Variants in LRMDA observed in about 807,000 individuals in gnomAD.
The protein encoded by LRMDA is leucine-rich melanocyte differentiation-associated protein.
Under a neutral mutation model 29.8 loss-of-function variants are expected in LRMDA, and 18 were observed. The observed-to-expected ratio is 0.60, with a 90% CI of 0.42 to 0.90. The LOEUF is 0.90. Among genes scored for constraint, LRMDA ranks in the 40% least tolerant of loss-of-function variants. LRMDA has a pLI of 0.00. For synonymous variants in LRMDA, 125 were observed against 109.4 expected, an observed-to-expected ratio of 1.14 and a Z score of -0.89; for missense variants, 273 against 273.9, an observed-to-expected ratio of 1.00 and a Z score of 0.02.
At chr10:75,839,765 G>A (rs1844504292) in intron 2 of LRMDA, among the ~76,000 whole-genome samples, 1 of 136,944 alleles carries the variant, frequency 7.3e-6, no homozygotes, top group African/African-American at 2.9e-5. Flanking sequence ...CTGGAGTGCA[G>A]TGGCACGATC....
At chr10:76,332,059 T>C (rs1840910632) in intron 6 of LRMDA, among the ~76,000 whole-genome samples, 1 of 152,230 alleles carries the variant, frequency 6.6e-6, no homozygotes, top group African/African-American at 2.4e-5. Flanking sequence ...GTCTGGGTCA[T>C]CAAATTCATC....
intron 2 of LRMDA, among the ~76,000 whole-genome samples, chr10:75,632,362 A>G (rs1040296344): frequency 4.6e-5 from 7 of 152,202 alleles, no homozygotes; most frequent in African/African-American, 1.7e-4. Flanking sequence ...GCAGACGAGG[A>G]TGTCTCATCA....
chr10:75,816,417 A>G (rs939221617), intron 2 of LRMDA, among the ~76,000 whole-genome samples: 2 of 152,232 alleles, frequency 1.3e-5, no homozygotes, highest in African/African-American at 4.8e-5. Context: ...ATCCTGTGGG[A>G]GTTCCCACCT....
intron 2 of LRMDA, among the ~76,000 whole-genome samples, chr10:75,733,918 C>A (rs116023179): frequency 1.3e-5 from 2 of 152,126 alleles, no homozygotes; most frequent in African/African-American, 4.8e-5. Flanking sequence ...GGACTTTTAT[C>A]GGTAGTAGCC....
At position 76,405,368 on chromosome 10, in the gene LRMDA, C is replaced by T. The variant is rs143691266; in HGVS notation, c.601+80883C>T. On this transcript the variant is annotated intron_variant, in intron 6 of 6. Transcript: ENST00000611255. Reference sequence around the variant, plus strand: ...AGCTTTCGTCACTAGGTGCAATAAACGCTGCATTAGATTTTGATGGGAGGT... The same window carrying T: ...AGCTTTCGTCACTAGGTGCAATAAATGCTGCATTAGATTTTGATGGGAGGT... 3.8e-3 allele frequency among the ~76,000 whole-genome samples: 580 copies of T among 152,278 alleles called. 2 individuals are homozygous for T. The highest frequency in any genetic ancestry group is 0.011 in the African/African-American group (458 of 41,556).
chr10:76,455,992 T>C (rs1239367376), intron 6 of LRMDA, among the ~76,000 whole-genome samples: 1 of 152,134 alleles, frequency 6.6e-6, no homozygotes, highest in Non-Finnish European at 1.5e-5. Context: ...TATTCTATGC[T>C]GGCCAACCCT....
chr10:76,106,579 T>C (rs1179472550), intron 5 of LRMDA, among the ~76,000 whole-genome samples: 3 of 152,216 alleles, frequency 2.0e-5, no homozygotes, highest in Non-Finnish European at 4.4e-5. Flanking sequence ...ATCTATGTGA[T>C]CACCCTTTGT....
At chr10:75,929,405 C>A (rs72811491) in intron 2 of LRMDA, among the ~76,000 whole-genome samples, 1,803 of 152,160 alleles carry the variant, frequency 0.012, 21 homozygotes, top group Admixed American at 0.018. Flanking sequence ...CACAGCCATA[C>A]CATCGTTGGC....
At chr10:75,811,970 C>T (rs996034401) in intron 2 of LRMDA, among the ~76,000 whole-genome samples, 6 of 152,086 alleles carry the variant, frequency 3.9e-5, no homozygotes, top group African/African-American at 7.2e-5. Context: ...GCTTTGTGCC[C>T]GCTGTGATGC....
intron 2 of LRMDA, among the ~76,000 whole-genome samples, chr10:75,879,273 C>G (rs1845253328): frequency 6.6e-6 from 1 of 152,208 alleles, no homozygotes; most frequent in Non-Finnish European, 1.5e-5. Flanking sequence ...AGGATCGGAC[C>G]TCCCGAACAC....
At chr10:75,616,249 T>TAGCAGCAGCAGCAGCAGCAGCAGC (rs58265820) in intron 2 of LRMDA, among the ~76,000 whole-genome samples, 49 of 150,414 alleles carry the variant, frequency 3.3e-4, no homozygotes, top group Middle Eastern at 3.4e-3. Flanking sequence ...GTAGCAGCAG[T>TAGCAGCAGCAGCAGCAGCAGCAGC]AGCAGCAGCA....
At chr10:75,773,379 G>A (rs1313455742) in intron 2 of LRMDA, among the ~76,000 whole-genome samples, 1 of 152,156 alleles carries the variant, frequency 6.6e-6, no homozygotes, top group South Asian at 2.1e-4. Context: ...CTTAAAGAAA[G>A]CACAGCCCTT....
intron 6 of LRMDA, among the ~76,000 whole-genome samples, chr10:76,412,958 A>T (rs1369473174): frequency 6.6e-6 from 1 of 151,486 alleles, no homozygotes; most frequent in African/African-American, 2.4e-5. Flanking sequence ...TCCTCTCTGG[A>T]TTACAGCTGT....
chr10:75,924,260 C>T (rs1226617073), intron 2 of LRMDA, among the ~76,000 whole-genome samples: 1 of 152,140 alleles, frequency 6.6e-6, no homozygotes, highest in African/African-American at 2.4e-5. Context: ...TCATATTAAG[C>T]ACAACAACTA....
At chr10:76,546,549 G>T (rs1843423305) in intron 6 of LRMDA, among the ~76,000 whole-genome samples, 4 of 152,190 alleles carry the variant, frequency 2.6e-5, no homozygotes, top group Admixed American at 6.5e-5. Flanking sequence ...AAGCTAAGAA[G>T]ATGTGTGAGG....
chr10:76,238,921 G>C (rs566614674), intron 5 of LRMDA, among the ~76,000 whole-genome samples: 1 of 152,112 alleles, frequency 6.6e-6, no homozygotes, highest in East Asian at 1.9e-4. Context: ...GAAACACAGA[G>C]ATATATGTTC....
intron 2 of LRMDA, among the ~76,000 whole-genome samples, chr10:75,924,568 G>A (rs1846086082): frequency 1.3e-5 from 2 of 152,182 alleles, no homozygotes. Flanking sequence ...AGGAAGGACT[G>A]GCTGCCCAGA....
In LRMDA at chr10:76,259,044, G is replaced by A. The variant is rs140221309; in HGVS notation, c.517-65357G>A. ...GTAGTTTTTAAGGAACCTCGATACT[G>A]TTCTCCATAGTGGCTGTACAAATTT... On this transcript the variant is annotated intron_variant, in intron 5 of 6. Coordinates refer to ENST00000611255, the MANE Select transcript of LRMDA (RefSeq NM_001305581.2). Among the ~76,000 whole-genome samples the A allele has an allele frequency of 2.2e-3, 334 of 152,156 alleles. 1 individual carries two copies. The highest frequency in any genetic ancestry group is 7.7e-3 in the African/African-American group (320 of 41,528).
At chr10:75,651,011 A>T (rs763514972) in intron 2 of LRMDA, among the ~76,000 whole-genome samples, 1 of 152,096 alleles carries the variant, frequency 6.6e-6, no homozygotes, top group Non-Finnish European at 1.5e-5. Context: ...GAAAAAAAAC[A>T]CTTGGCCCAA....
Sources: allele counts gnomAD v4.1 joint callset (sites outside exome capture counted in the v4.1 genomes callset), GRCh38; gene constraint gnomAD v4.1.1; transcripts MANE v1.5; gene names NCBI Gene and HGNC (gene_info 2026-07-23, HGNC 2026-07-21).